ZCCHC24: variants seen among roughly 807,000 people sequenced by gnomAD.
The protein encoded by ZCCHC24 is zinc finger CCHC-type containing 24, also known as zinc finger CCHC domain-containing protein 24.
ZCCHC24 carries 10 observed loss-of-function variants against 26.2 expected under a neutral mutation model. That is an observed-to-expected ratio of 0.38 (90% CI 0.24 to 0.65). The LOEUF (loss-of-function observed/expected upper bound fraction) is 0.65. Among genes scored for constraint, ZCCHC24 ranks in the 30% least tolerant of loss-of-function variants. The probability of loss-of-function intolerance (pLI) is 0.54; values close to 1 mark genes in which losing one functional copy is unlikely to be tolerated. For missense variants in ZCCHC24, 243 were observed against 329.1 expected, an observed-to-expected ratio of 0.74 and a Z score of 2.03; for synonymous variants, 144 against 147.1, an observed-to-expected ratio of 0.98 and a Z score of 0.15.
intron 3 of ZCCHC24, 88 bp from the exon 4 acceptor site, chr10:79,386,546 C>T (rs999612303): frequency 9.4e-7 from 1 of 1,068,888 alleles, no homozygotes; most frequent in African/African-American, 1.6e-5. Context: ...CACACAGAGA[C>T]AGACAGGTGA....
At chr10:79,442,186 G>A (rs1270860573) in intron 1 of ZCCHC24, among the ~76,000 whole-genome samples, 1 of 152,148 alleles carries the variant, frequency 6.6e-6, no homozygotes, top group Non-Finnish European at 1.5e-5. Context: ...GGGTTTCACG[G>A]GGCCTAGTTT....
chr10:79,428,883 A>G (rs143674304), intron 2 of ZCCHC24, among the ~76,000 whole-genome samples: 1 of 152,298 alleles, frequency 6.6e-6, no homozygotes, highest in East Asian at 1.9e-4. Context: ...ATTAGATAAA[A>G]TGGAAAAATG....
At position 79,401,795 on chromosome 10, in the gene ZCCHC24, A is replaced by T. The variant is rs185151020; in HGVS notation, c.448-7355T>A. On this transcript the variant is annotated intron_variant, in intron 2 of 3. Coordinates refer to ENST00000372336, the MANE Select transcript of ZCCHC24 (RefSeq NM_153367.4). ...ACAAGGCCGACCCCACCGTGCGTCC[A>T]GCTGAGAGGCTCTGGCTGGAGCCAA... Among the ~76,000 whole-genome samples, 364 of 152,316 alleles carry T rather than the reference A, an allele frequency of 2.4e-3. 2 individuals are homozygous for T. Among genetic ancestry groups the T allele is most frequent in the Non-Finnish European group, 2.5e-3 (173 of 68,026 alleles).
intron 2 of ZCCHC24, among the ~76,000 whole-genome samples, chr10:79,413,760 A>ATGTGTGTGTG (rs142243601): frequency 6.9e-6 from 1 of 144,504 alleles, no homozygotes; most frequent in African/African-American, 2.6e-5. Flanking sequence ...GTGCGTGCGC[A>ATGTGTGTGTG]TGTGTGTGTG....
intron 2 of ZCCHC24, among the ~76,000 whole-genome samples, chr10:79,423,444 GGGAGGCTGAGGGA>G (rs1156605573): frequency 6.7e-6 from 1 of 149,416 alleles, no homozygotes; most frequent in East Asian, 2.0e-4. Flanking sequence ...CCAGCTACTC[GGGAGGCTGAGGGA>G]GGAGAATAGC....
At chr10:79,411,393 C>T (rs1184223416) in intron 2 of ZCCHC24, among the ~76,000 whole-genome samples, 9 of 152,166 alleles carry the variant, frequency 5.9e-5, no homozygotes, top group African/African-American at 1.7e-4. Flanking sequence ...ACACAGGCCA[C>T]GGTGGCAGGC....
intron 2 of ZCCHC24, chr10:79,394,658 G>A (rs1856521391): frequency 2.0e-6 from 2 of 983,950 alleles, no homozygotes; most frequent in African/African-American, 1.7e-5. Flanking sequence ...AGGAGATGGT[G>A]AAAAAACAGA....
chr10:79,445,544 A>G lies in ZCCHC24; in HGVS notation c.-104T>C. ...GCCTGTGCCCACTGCCCGCCTCCCG[A>G]GCCCCGACGGTGATCGCCCCGCGCC... On this transcript the variant is annotated 5_prime_UTR_variant, in exon 1 of 4. Transcript: ENST00000372336. 3.8e-6 allele frequency: 4 copies of G among 1,057,648 alleles called. No homozygotes were observed. The highest frequency in any genetic ancestry group is 4.7e-6 in the Non-Finnish European group (4 of 845,062). The allele number at this position is 1,057,648 out of a possible 1,614,324, so 65.5% of individuals were successfully genotyped here.
intron 2 of ZCCHC24, among the ~76,000 whole-genome samples, chr10:79,408,570 C>T (rs115498712): frequency 0.011 from 1,710 of 152,232 alleles, 36 homozygotes; most frequent in African/African-American, 0.039. Flanking sequence ...GATGCAACCC[C>T]GGCCCCCATG....
At chr10:79,397,776 G>C (rs987022846) in intron 2 of ZCCHC24, among the ~76,000 whole-genome samples, 1 of 152,152 alleles carries the variant, frequency 6.6e-6, no homozygotes, top group Non-Finnish European at 1.5e-5. Flanking sequence ...TCACACAGTT[G>C]GGGCAAAGGA....
chr10:79,383,224 A>G lies in ZCCHC24; in HGVS notation c.*3121T>C, dbSNP rs898187039. 1.1e-4 allele frequency: 17 copies of G among 152,806 alleles called. No individual in the cohort carries two copies. The highest frequency in any genetic ancestry group is 4.1e-4 in the African/African-American group (17 of 41,470). The allele number at this position is 152,806 out of a possible 1,614,324, so 9.5% of individuals were successfully genotyped here. On this transcript the variant is annotated 3_prime_UTR_variant, in exon 4 of 4. Transcript: ENST00000372336. Reference sequence around the variant, plus strand: ...TAATAAGTCTAAACACTTGAATAATATGCTGTCTACTTAATACTGATATTT... The same window carrying G: ...TAATAAGTCTAAACACTTGAATAATGTGCTGTCTACTTAATACTGATATTT...
intron 2 of ZCCHC24, among the ~76,000 whole-genome samples, chr10:79,422,161 A>G (rs1202257607): frequency 6.6e-6 from 1 of 152,164 alleles, no homozygotes; most frequent in Non-Finnish European, 1.5e-5. Context: ...CTCATCCTCT[A>G]TCCCTATGCC....
intron 2 of ZCCHC24, among the ~76,000 whole-genome samples, chr10:79,430,629 G>A (rs1343320052): frequency 1.3e-5 from 2 of 151,552 alleles, no homozygotes; most frequent in Non-Finnish European, 2.9e-5. Context: ...GAAGAGCGCT[G>A]GCCCTGTCAG....
intron 2 of ZCCHC24, among the ~76,000 whole-genome samples, chr10:79,401,348 G>A (rs1362169115): frequency 1.3e-5 from 2 of 152,222 alleles, no homozygotes; most frequent in Non-Finnish European, 2.9e-5. Context: ...TCAGGGCCAG[G>A]CACTCTTTGT....
chr10:79,411,619 T>C (rs1346053100), intron 2 of ZCCHC24, among the ~76,000 whole-genome samples: 2 of 152,096 alleles, frequency 1.3e-5, no homozygotes, highest in Admixed American at 1.3e-4. Flanking sequence ...AAAGTCTCAT[T>C]CCACTGCCCA....
At chr10:79,443,194 T>G (rs1006711328) in intron 1 of ZCCHC24, among the ~76,000 whole-genome samples, 13 of 152,172 alleles carry the variant, frequency 8.5e-5, no homozygotes, top group African/African-American at 3.1e-4. Context: ...CCTTTCACAC[T>G]GTGTGACTTT....
intron 2 of ZCCHC24, among the ~76,000 whole-genome samples, chr10:79,411,524 A>G (rs991542424): frequency 3.3e-5 from 5 of 152,160 alleles, no homozygotes; most frequent in African/African-American, 1.2e-4. Flanking sequence ...CAGGAGGGAG[A>G]GGATGGAACC....
chr10:79,390,843 T>G lies in ZCCHC24; in HGVS notation c.612+3433A>C, dbSNP rs891620577. 2.0e-5 allele frequency among the ~76,000 whole-genome samples: 3 copies of G among 152,040 alleles called. No homozygotes were observed. The East Asian group carries it at 5.8e-4, about 29-fold the overall frequency. On this transcript the variant is annotated intron_variant, in intron 3 of 3. Transcript: ENST00000372336. Reference sequence around the variant, plus strand: ...AGGAGAGTGGGGAAGTGGGGGGTTCTCCAGAGACGGAGGCCACACAGGTCA... The same window carrying G: ...AGGAGAGTGGGGAAGTGGGGGGTTCGCCAGAGACGGAGGCCACACAGGTCA...
At position 79,391,525 on chromosome 10, in the gene ZCCHC24, T is replaced by A. The variant is rs562614396; in HGVS notation, c.612+2751A>T. Among the ~76,000 whole-genome samples, 5 of 151,994 alleles carry A rather than the reference T, an allele frequency of 3.3e-5. No individual in the cohort carries two copies. In the East Asian group the frequency reaches 9.7e-4, roughly 30 times the overall value. On this transcript the variant is annotated intron_variant, in intron 3 of 3. Transcript: ENST00000372336. ...CCCTGTCTCTCTGCTTAAGTCACAG[T>A]GGGGGTCGTAAGGACCCAGCCCCCA...
Sources: gnomAD v4.1 joint callset for allele counts (sites outside exome capture counted in the v4.1 genomes callset) on GRCh38, gnomAD v4.1.1 for gene constraint, MANE v1.5 for transcripts, NCBI Gene and HGNC (gene_info 2026-07-23, HGNC 2026-07-21) for gene names.